The following PRKN variants were observed in gnomAD, a reference collection of about 807,000 sequenced individuals.
PRKN encodes the protein E3 ubiquitin-protein ligase parkin.
In PRKN, 56 loss-of-function variants were observed where a neutral mutation model predicts 59.5. The ratio of observed to expected loss-of-function variants is 0.94; its 90% confidence interval spans 0.76 to 1.18. The LOEUF (loss-of-function observed/expected upper bound fraction) is 1.18, where lower values mean the gene tolerates loss of function less well. Ranked by LOEUF, PRKN falls within the 50% of genes most tolerant of loss-of-function variation. The probability of loss-of-function intolerance (pLI) is 0.00; values close to 1 mark genes in which losing one functional copy is unlikely to be tolerated. For synonymous variants in PRKN, 250 were observed against 222.1 expected (o/e 1.13, Z -1.12); for missense variants, 657 against 596.4 (o/e 1.10, Z -1.06).
chr6:162,690,146 C>G (rs893771001), intron 1 of PRKN, among the ~76,000 whole-genome samples: 1 of 55,088 alleles, frequency 1.8e-5, no homozygotes, highest in Non-Finnish European at 3.8e-5. Context: ...AATTAAGCCT[C>G]TGATTTCTGA....
chr6:161,476,159 C>T (rs898324192), intron 9 of PRKN, among the ~76,000 whole-genome samples: 4 of 151,258 alleles, frequency 2.6e-5, no homozygotes, highest in Non-Finnish European at 5.9e-5. Context: ...TGTACTCCAA[C>T]CTGGGCGACA....
chr6:162,429,901 C>T (rs1036517889), intron 2 of PRKN, among the ~76,000 whole-genome samples: 1 of 152,180 alleles, frequency 6.6e-6, no homozygotes, highest in East Asian at 1.9e-4. Context: ...ATCCTCTTCC[C>T]GGTATCACCT....
rs904395983 is a variant in PRKN, at chr6:161,458,831, T to C, written c.1084-71954A>G. 1.3e-5 allele frequency among the ~76,000 whole-genome samples: 2 copies of C among 152,222 alleles called. No homozygotes were observed. Among genetic ancestry groups the C allele is most frequent in the African/African-American group, 2.4e-5 (1 of 41,474 alleles). On this transcript the variant is annotated intron_variant, in intron 9 of 11. Coordinates refer to ENST00000366898, the MANE Select transcript of PRKN (RefSeq NM_004562.3). The surrounding 1 kb of genome is among the most constrained non-coding windows in gnomAD (Gnocchi z 6.1). Reference sequence around the variant, plus strand: ...ACTTTGCCAGAAATTCGTAAATTTTTAGGAAAGTGAAGAGCATATGGTCAC... The same window carrying C: ...ACTTTGCCAGAAATTCGTAAATTTTCAGGAAAGTGAAGAGCATATGGTCAC...
rs1777880872 is a variant in PRKN, at chr6:162,056,700, A to G, written c.535-2526T>C. On this transcript the variant is annotated intron_variant, in intron 4 of 11. Coordinates refer to ENST00000366898, the MANE Select transcript of PRKN (RefSeq NM_004562.3). The surrounding 1 kb of genome is among the most constrained non-coding windows in gnomAD (Gnocchi z 4.9). ...TCCCTTACTGCTACGGGTGGTGTGC[A>G]GAGCCTGAACTGTCTGCACAAACCA... Among the ~76,000 whole-genome samples the G allele has an allele frequency of 1.3e-5, 2 of 152,200 alleles. No individual in the cohort carries two copies. Among genetic ancestry groups the G allele is most frequent in the Admixed American group, 1.3e-4 (2 of 15,280 alleles).
At chr6:161,820,985 A>G (rs1310298714) in intron 6 of PRKN, among the ~76,000 whole-genome samples, 4 of 151,998 alleles carry the variant, frequency 2.6e-5, no homozygotes, top group African/African-American at 2.4e-5. Context: ...CTATCTTATG[A>G]ATATAATAAT....
At chr6:161,435,274 C>G (rs769428609) in intron 9 of PRKN, among the ~76,000 whole-genome samples, 4 of 152,126 alleles carry the variant, frequency 2.6e-5, no homozygotes, top group South Asian at 2.1e-4. Flanking sequence ...GCATTATAAG[C>G]GGTTACATTC....
At chr6:162,562,312 G>A (rs1029378579) in intron 1 of PRKN, among the ~76,000 whole-genome samples, 1 of 152,118 alleles carries the variant, frequency 6.6e-6, no homozygotes, top group Admixed American at 6.5e-5. Flanking sequence ...GTACCACGTC[G>A]AGGGCCTTGG....
At chr6:162,439,612 G>C (rs1004359374) in intron 2 of PRKN, among the ~76,000 whole-genome samples, 4 of 151,958 alleles carry the variant, frequency 2.6e-5, no homozygotes, top group African/African-American at 9.7e-5. Context: ...GGTTGAAACT[G>C]CATGGGTCCA....
intron 7 of PRKN, among the ~76,000 whole-genome samples, chr6:161,618,316 G>A (rs915475728): frequency 6.6e-6 from 1 of 152,118 alleles, no homozygotes; most frequent in Non-Finnish European, 1.5e-5. Flanking sequence ...TGTTGCCCCA[G>A]GATATGAACA....
chr6:162,102,960 G>A (rs989868488), intron 4 of PRKN, among the ~76,000 whole-genome samples: 2 of 150,732 alleles, frequency 1.3e-5, no homozygotes, highest in East Asian at 2.0e-4. Context: ...GGAGAATGGC[G>A]TGAACCCGGG....
chr6:162,232,980 C>A (rs947991424), intron 3 of PRKN, among the ~76,000 whole-genome samples: 1 of 151,912 alleles, frequency 6.6e-6, no homozygotes, highest in Non-Finnish European at 1.5e-5. Flanking sequence ...AAATACACAC[C>A]AGCATAAAAG....
At chr6:162,162,651 G>A (rs1782807528) in intron 4 of PRKN, among the ~76,000 whole-genome samples, 1 of 152,134 alleles carries the variant, frequency 6.6e-6, no homozygotes, top group African/African-American at 2.4e-5. Flanking sequence ...TATGCAAATA[G>A]TAAAAATACA....
intron 1 of PRKN, among the ~76,000 whole-genome samples, chr6:162,628,363 GAAGA>G (rs1173975001): frequency 1.3e-5 from 2 of 152,132 alleles, no homozygotes; most frequent in Non-Finnish European, 2.9e-5. Flanking sequence ...CCTCGGAGAT[GAAGA>G]AAGGAGGCCA....
intron 1 of PRKN, among the ~76,000 whole-genome samples, chr6:162,544,589 T>C (rs759795826): frequency 2.2e-4 from 34 of 152,168 alleles, no homozygotes; most frequent in Non-Finnish European, 4.0e-4. Flanking sequence ...TGCATTTTTA[T>C]CTTCTCACTT....
chr6:161,911,012 G>A (rs959196859), intron 6 of PRKN, among the ~76,000 whole-genome samples: 1 of 152,188 alleles, frequency 6.6e-6, no homozygotes, highest in Non-Finnish European at 1.5e-5. Flanking sequence ...AATAACTGTG[G>A]ACTTGCTTTA....
Position 162,080,694 on chromosome 6 carries a change from T to C in PRKN, c.535-26520A>G, listed in dbSNP as rs115265775. ...CGTCGATGCTGATGGCTGCAGACTG[T>C]TCAGGGTGATGGCTGCTGAAAGCTG... On this transcript the variant is annotated intron_variant, in intron 4 of 11. Transcript: ENST00000366898. Among the ~76,000 whole-genome samples the C allele has an allele frequency of 6.7e-3, 1,017 of 152,208 alleles. 15 individuals carry two copies. The highest frequency in any genetic ancestry group is 0.023 in the African/African-American group (966 of 41,484).
At chr6:162,717,178 AGCCAAGGAAT>A (rs1778761649) in intron 1 of PRKN, among the ~76,000 whole-genome samples, 1 of 152,180 alleles carries the variant, frequency 6.6e-6, no homozygotes. Context: ...TGTGGCCAGG[AGCCAAGGAAT>A]GCCAGCAGCC....
At chr6:161,950,944 G>C (rs146853287) in intron 6 of PRKN, among the ~76,000 whole-genome samples, 2,714 of 120,884 alleles carry the variant, frequency 0.022, 148 homozygotes, top group Admixed American at 0.13. Context: ...CCCTATTCCA[G>C]GGGCATTGAG....
At chr6:162,414,879 G>A (rs990642736) in intron 2 of PRKN, among the ~76,000 whole-genome samples, 1 of 151,826 alleles carries the variant, frequency 6.6e-6, no homozygotes, top group Non-Finnish European at 1.5e-5. Flanking sequence ...ACAAAGGAAC[G>A]GATTTTCTAT....
Sources: gnomAD v4.1 joint callset for allele counts (sites outside exome capture counted in the v4.1 genomes callset) on GRCh38, gnomAD v4.1.1 for gene constraint, Gnocchi (gnomAD v3.1) non-coding constraint, MANE v1.5 for transcripts, NCBI Gene and HGNC (gene_info 2026-07-23, HGNC 2026-07-21) for gene names.